The following PCGF5 variants were observed in gnomAD, a reference collection of about 807,000 sequenced individuals.
PCGF5 encodes polycomb group ring finger 5, also known as polycomb group RING finger protein 5.
In PCGF5, 9 loss-of-function variants were observed where a neutral mutation model predicts 44.3. The ratio of observed to expected loss-of-function variants is 0.20; its 90% CI spans 0.12 to 0.35. The LOEUF (loss-of-function observed/expected upper bound fraction) is 0.35, where lower values mean the gene tolerates loss of function less well. Ranked by LOEUF, PCGF5 falls within the 10% of genes least tolerant of loss-of-function variation. The pLI is 1.00. For synonymous variants in PCGF5, 95 were observed against 102.5 expected (o/e 0.93, Z 0.44); for missense variants, 146 against 305.3 (o/e 0.48, Z 3.89).
intron 2 of PCGF5, among the ~76,000 whole-genome samples, chr10:91,230,329 T>G (rs547323496): frequency 8.5e-5 from 13 of 152,140 alleles, no homozygotes; most frequent in African/African-American, 3.1e-4. Flanking sequence ...TGTTTAAGAG[T>G]CTAGCACAAG....
Position 91,174,335 on chromosome 10 carries a change from C to T in PCGF5, c.-184+11254C>T, listed in dbSNP as rs1329927130. ...CAGCCTGGCCAACATGGTGAAACCCCATCTTTACTAAAAATACATAAATTA... is the reference window on the plus strand; with the variant it reads ...CAGCCTGGCCAACATGGTGAAACCCTATCTTTACTAAAAATACATAAATTA... On this transcript the variant is annotated intron_variant, in intron 1 of 9. Coordinates refer to the PCGF5 transcript ENST00000614189. Among the ~76,000 whole-genome samples, 13 of 152,094 alleles carry T rather than the reference C, an allele frequency of 8.5e-5. No individual in the cohort carries two copies. The East Asian group carries it at 2.4e-3, about 28-fold the overall frequency.
chr10:91,192,716 T>C (rs1016815116), intron 1 of PCGF5, among the ~76,000 whole-genome samples: 1 of 152,122 alleles, frequency 6.6e-6, no homozygotes, highest in African/African-American at 2.4e-5. Context: ...TGGTTTGTTA[T>C]AAGGTGGTAA....
chr10:91,226,208 TTGG>T (rs1230801111), intron 2 of PCGF5, among the ~76,000 whole-genome samples: 1 of 150,374 alleles, frequency 6.7e-6, no homozygotes, highest in Non-Finnish European at 1.5e-5. Context: ...AGCTTTATAA[TTGG>T]TGTGCAAAAC....
chr10:91,160,434 A>G (rs978568549), upstream of PCGF5, among the ~76,000 whole-genome samples: 1 of 152,210 alleles, frequency 6.6e-6, no homozygotes, highest in Non-Finnish European at 1.5e-5. Context: ...ACCAGATTAT[A>G]TTAAATGTTG....
chr10:91,235,852 T>C (rs1480843265), intron 2 of PCGF5, among the ~76,000 whole-genome samples: 1 of 152,218 alleles, frequency 6.6e-6, no homozygotes, highest in Non-Finnish European at 1.5e-5. Flanking sequence ...CCCAGCCATT[T>C]GGAACTGTAA....
rs1332690164 is a variant in PCGF5, at chr10:91,249,369, GTGTATATATATATATATATATA to G, written c.325+647_325+668del. Among the ~76,000 whole-genome samples the G allele has an allele frequency of 2.9e-5, 3 of 103,498 alleles. No individual in the cohort carries two copies. In the East Asian group the frequency reaches 8.0e-4, roughly 27 times the overall value. The allele number at this position is 103,498 out of a possible 152,430, so 67.9% of individuals were successfully genotyped here. ...TTACTGAGCAGATAAAAGGCTTTTA[GTGTATATATATATATATATATA>G]TATATATATATATATATATATATAT... On this transcript the variant is annotated intron_variant, in intron 5 of 9. Transcript: ENST00000336126.
At chr10:91,164,227 C>G (rs1564622110) in intron 1 of PCGF5, among the ~76,000 whole-genome samples, 1 of 152,060 alleles carries the variant, frequency 6.6e-6, no homozygotes, top group Non-Finnish European at 1.5e-5. Context: ...CGGGGTCCCC[C>G]CCTTCCACAA....
At chr10:91,246,316 T>G (rs1845458948) in intron 3 of PCGF5, among the ~76,000 whole-genome samples, 1 of 152,200 alleles carries the variant, frequency 6.6e-6, no homozygotes, top group African/African-American at 2.4e-5. Flanking sequence ...AGCATTGGTT[T>G]GGTCGGAGAG....
At chr10:91,232,277 T>C (rs1266683742) in intron 2 of PCGF5, among the ~76,000 whole-genome samples, 1 of 152,184 alleles carries the variant, frequency 6.6e-6, no homozygotes, top group Admixed American at 6.5e-5. Flanking sequence ...AGCAAAAGTC[T>C]GGATAATGTC....
At chr10:91,218,138 T>C (rs1844580237), upstream of PCGF5, among the ~76,000 whole-genome samples, 1 of 152,200 alleles carries the variant, frequency 6.6e-6, no homozygotes, top group African/African-American at 2.4e-5. Context: ...TGAGAAGTAC[T>C]CTCAAGAGGT....
At chr10:91,182,437 A>T (rs1051278452) in intron 1 of PCGF5, among the ~76,000 whole-genome samples, 2 of 151,256 alleles carry the variant, frequency 1.3e-5, no homozygotes, top group African/African-American at 4.8e-5. Context: ...TGTTTGTTTG[A>T]ATCTTCTTTA....
At chr10:91,236,073 T>C (rs984328455) in intron 2 of PCGF5, among the ~76,000 whole-genome samples, 2 of 151,836 alleles carry the variant, frequency 1.3e-5, no homozygotes, top group Non-Finnish European at 2.9e-5. Context: ...AGTAAGACCC[T>C]GTCTTAAACA....
chr10:91,177,615 G>A (rs11186486), intron 1 of PCGF5, among the ~76,000 whole-genome samples: 54,762 of 152,024 alleles, frequency 0.36, 10,688 homozygotes, highest in East Asian at 0.52. Flanking sequence ...GTGGGCGCCC[G>A]TCCCCCAGCC....
rs1303875558 is a variant in PCGF5, at chr10:91,279,957, T to C, written c.*1641T>C. On this transcript the variant is annotated 3_prime_UTR_variant, in exon 10 of 10. Coordinates refer to ENST00000336126, the MANE Select transcript of PCGF5 (RefSeq NM_032373.5). ...AAGGCTGAAACTTCATAATTATCTG[T>C]TCCTTCTATCTTTTTTTGAGTCAAA... The C allele has an allele frequency of 2.0e-5, 3 of 152,090 alleles. No homozygotes were observed. Among genetic ancestry groups the C allele is most frequent in the African/African-American group, 7.2e-5 (3 of 41,460 alleles). 9.4% of individuals were successfully genotyped at this position (152,090 alleles called of 1,614,324 possible). A position where few individuals can be genotyped will look rare whatever the true frequency, so the allele number is the denominator to read the frequency against.
intron 9 of PCGF5, among the ~76,000 whole-genome samples, chr10:91,272,742 C>T (rs1489657590): frequency 6.6e-6 from 1 of 152,198 alleles, no homozygotes; most frequent in Non-Finnish European, 1.5e-5. Context: ...CACTGCATTC[C>T]AGCCTGGGTG....
At chr10:91,181,248 C>G (rs1843814116) in intron 1 of PCGF5, among the ~76,000 whole-genome samples, 1 of 152,090 alleles carries the variant, frequency 6.6e-6, no homozygotes, top group South Asian at 2.1e-4. Flanking sequence ...GCTTGAGAAG[C>G]TTTGGGGCTG....
chr10:91,232,206 A>G (rs1845026396), intron 2 of PCGF5, among the ~76,000 whole-genome samples: 1 of 152,208 alleles, frequency 6.6e-6, no homozygotes, highest in African/African-American at 2.4e-5. Flanking sequence ...ATAGATTCCT[A>G]GATTTAGCAA....
chr10:91,220,712 A>AG lies in PCGF5; in HGVS notation c.-303dup, dbSNP rs1844649402. On this transcript the variant is annotated 5_prime_UTR_variant, in exon 1 of 10. Coordinates refer to ENST00000336126, the MANE Select transcript of PCGF5 (RefSeq NM_032373.5). The stretch of plus-strand genomic sequence containing the variant: ...ACAGAGCCGGCGCGCTCCCGCCTGC[A>AG]GGGGGAGAGCAGACGGGGCGCGGGG... The AG allele has an allele frequency of 6.7e-6, 1 of 150,150 alleles. No individual in the cohort carries two copies. Among genetic ancestry groups the AG allele is most frequent in the African/African-American group, 2.4e-5 (1 of 41,004 alleles). The allele number at this position is 150,150 out of a possible 1,614,324, so 9.3% of individuals were successfully genotyped here.
intron 6 of PCGF5, among the ~76,000 whole-genome samples, chr10:91,253,080 C>A (rs1235487970): frequency 6.6e-6 from 1 of 151,918 alleles, no homozygotes; most frequent in East Asian, 1.9e-4. Context: ...GCCTCTACTT[C>A]TTGCCTTCTA....
Sources: allele counts gnomAD v4.1 joint callset (sites outside exome capture counted in the v4.1 genomes callset), GRCh38; gene constraint gnomAD v4.1.1; transcripts MANE v1.5; gene names NCBI Gene and HGNC (gene_info 2026-07-23, HGNC 2026-07-21).